Variants in MYRFL observed in about 807,000 individuals in gnomAD.
MYRFL encodes myelin regulatory factor like, also known as myelin regulatory factor-like protein.
A neutral mutation model predicts 109.4 loss-of-function variants in MYRFL; 88 were observed. That is an observed-to-expected ratio of 0.80 (90% CI 0.68 to 0.96). MYRFL has a LOEUF of 0.96. Ranked by LOEUF, MYRFL falls within the 40% of genes least tolerant of loss-of-function variation. MYRFL has a pLI of 0.00. For missense variants in MYRFL, 957 were observed against 954.9 expected, an observed-to-expected ratio of 1.00 and a Z score of -0.03; for synonymous variants, 324 against 320.9, an observed-to-expected ratio of 1.01 and a Z score of -0.10.
At chr12:69,872,172 A>G (rs1885392896) in intron 2 of MYRFL, among the ~76,000 whole-genome samples, 1 of 151,376 alleles carries the variant, frequency 6.6e-6, no homozygotes, top group African/African-American at 2.4e-5. Flanking sequence ...CTTTATTTTG[A>G]AGTCAGTTTT....
intron 15 of MYRFL, among the ~76,000 whole-genome samples, chr12:69,928,747 A>G (rs937248303): frequency 2.6e-5 from 4 of 152,214 alleles, no homozygotes; most frequent in African/African-American, 9.6e-5. Context: ...TGGGATTTAA[A>G]TTAGGATTAG....
intron 4 of MYRFL, 21 bp from the exon 5 acceptor site, chr12:69,880,180 G>A (rs570369670): frequency 2.3e-5 from 16 of 702,046 alleles, no homozygotes; most frequent in East Asian, 1.6e-4. Flanking sequence ...CCTAACCTTC[G>A]TTTTGGTGTC....
chr12:69,857,501 A>G (rs1884370059), intron 2 of MYRFL, among the ~76,000 whole-genome samples: 1 of 151,898 alleles, frequency 6.6e-6, no homozygotes, highest in African/African-American at 2.4e-5. Flanking sequence ...TTCTAACAAA[A>G]TTGAGCCTTC....
chr12:69,932,883 T>TGTGTGTGTGTGTGTGTGTGTGTGTGTG, intron 16 of MYRFL, among the ~76,000 whole-genome samples: 1 of 52,610 alleles, frequency 1.9e-5, no homozygotes, highest in Non-Finnish European at 5.0e-5. Flanking sequence ...GTGTGTGTGT[T>TGTGTGTGTGTGTGTGTGTGTGTGTGTG]TGTGTGTGTG....
intron 5 of MYRFL, among the ~76,000 whole-genome samples, chr12:69,880,498 T>TC (rs772681856): frequency 1.3e-5 from 2 of 152,176 alleles, no homozygotes; most frequent in African/African-American, 4.8e-5. Flanking sequence ...AGATGATGTT[T>TC]CCCGTCTCAG....
intron 19 of MYRFL, among the ~76,000 whole-genome samples, chr12:69,943,888 C>T (rs11177982): frequency 1.2e-4 from 18 of 151,878 alleles, no homozygotes; most frequent in African/African-American, 2.2e-4. Context: ...TGAACAGACA[C>T]TTCTCAAAAG....
chr12:69,826,047 A>G (rs1428714638), intron 1 of MYRFL, among the ~76,000 whole-genome samples: 1 of 151,992 alleles, frequency 6.6e-6, no homozygotes, highest in East Asian at 1.9e-4. Context: ...TGCTTTAGGT[A>G]TTTCTTGTGC....
Position 69,910,858 on chromosome 12 carries a change from A to G in MYRFL, c.1530A>G (p.Arg510=), listed in dbSNP as rs747491155. 8.5e-6 allele frequency: 13 copies of G among 1,535,346 alleles called. No homozygotes were observed. The highest frequency in any genetic ancestry group is 1.1e-5 in the Non-Finnish European group (13 of 1,146,368). Residue 510 remains arginine, a synonymous_variant, in exon 13 of 25, where the codon AGA becomes AGG. Coordinates refer to ENST00000552032, the MANE Select transcript of MYRFL (RefSeq NM_182530.3). ...IAQEVQEILP[R]AVREVGDVTC... is the part of the protein sequence containing the mutation. The stretch of plus-strand genomic sequence containing the variant: ...AGGAGGTGCAAGAAATCCTGCCCAG[A>G]GCAGTAAGAGAGGTTGGTGATGTCA...
intron 1 of MYRFL, among the ~76,000 whole-genome samples, chr12:69,841,994 T>C (rs963245596): frequency 1.3e-5 from 2 of 152,210 alleles, no homozygotes; most frequent in African/African-American, 4.8e-5. Flanking sequence ...AGGAAGACAC[T>C]GAGAGGCTAG....
At chr12:69,891,714 T>TTTCTTTCTTTCGTTCGTTCTTTC (rs1592768074) in intron 7 of MYRFL, among the ~76,000 whole-genome samples, 2 of 123,758 alleles carry the variant, frequency 1.6e-5, no homozygotes, top group Non-Finnish European at 3.5e-5. Flanking sequence ...TCTTTTTTTC[T>TTTCTTTCTTTCGTTCGTTCTTTC]TTGAGACATG....
intron 19 of MYRFL, among the ~76,000 whole-genome samples, chr12:69,949,274 ATAAAGT>A (rs1955914035): frequency 6.6e-6 from 1 of 152,110 alleles, no homozygotes; most frequent in African/African-American, 2.4e-5. Context: ...CCAAAACTTC[ATAAAGT>A]TATTTTGTTA....
intron 1 of MYRFL, among the ~76,000 whole-genome samples, 180 bp downstream of exon 1, chr12:69,825,743 T>G (rs1413082507): frequency 1.3e-5 from 2 of 152,156 alleles, no homozygotes; most frequent in African/African-American, 2.4e-5. Flanking sequence ...TTCAATGGTA[T>G]GGATAGAGAT....
chr12:69,880,956 T>G lies in MYRFL; in HGVS notation c.556+664T>G, dbSNP rs1171459431. Among the ~76,000 whole-genome samples the G allele has an allele frequency of 5.8e-5, 8 of 138,480 alleles. No homozygotes were observed. In the East Asian group the frequency reaches 1.5e-3, roughly 26 times the overall value. 90.8% of individuals were successfully genotyped at this position (138,480 alleles called of 152,430 possible). A position where few individuals can be genotyped will look rare whatever the true frequency, so the allele number is the denominator to read the frequency against. ...TCCAAGCGGTCAGCCTTCCTGTTTT[T>G]TTTTTTTTTTTTTGTCTTATATAAC... On this transcript the variant is annotated intron_variant, in intron 5 of 24. Coordinates refer to ENST00000552032, the MANE Select transcript of MYRFL (RefSeq NM_182530.3).
At chr12:69,872,234 G>A (rs1159062526) in intron 2 of MYRFL, among the ~76,000 whole-genome samples, 1 of 152,152 alleles carries the variant, frequency 6.6e-6, no homozygotes, top group South Asian at 2.1e-4. Flanking sequence ...TTTTCTCTTG[G>A]TTAACTTTTG....
intron 1 of MYRFL, among the ~76,000 whole-genome samples, chr12:69,841,420 A>G (rs1420964900): frequency 6.6e-6 from 1 of 152,184 alleles, no homozygotes; most frequent in African/African-American, 2.4e-5. Context: ...GTTTTAGGGG[A>G]AGGGAAAGTT....
chr12:69,958,550 CT>C lies in MYRFL; in HGVS notation c.*22del, dbSNP rs1316344380. On this transcript the variant is annotated 3_prime_UTR_variant, in exon 25 of 25. Coordinates refer to ENST00000552032, the MANE Select transcript of MYRFL (RefSeq NM_182530.3). ...TGCCTAATTTGTTCAAGTTTGGGGA[CT>C]TTACCAAAGAAAAATACTCAGGAAT... 2.0e-5 allele frequency: 30 copies of C among 1,497,430 alleles called. No individual in the cohort carries two copies. Among genetic ancestry groups the C allele is most frequent in the Middle Eastern group, 3.8e-4 (2 of 5,210 alleles). The allele number at this position is 1,497,430 out of a possible 1,614,324, so 92.8% of individuals were successfully genotyped here. A position where few individuals can be genotyped will look rare whatever the true frequency, so the allele number is the denominator to read the frequency against.
chr12:69,924,606 CAAAAAT>C (rs2120438794), intron 13 of MYRFL, among the ~76,000 whole-genome samples: 1 of 152,080 alleles, frequency 6.6e-6, no homozygotes, highest in South Asian at 2.1e-4. Flanking sequence ...TGTACTGGCT[CAAAAAT>C]AAAAATATAT....
intron 16 of MYRFL, among the ~76,000 whole-genome samples, chr12:69,934,384 A>C (rs764612118): frequency 1.8e-4 from 28 of 152,206 alleles, no homozygotes; most frequent in Non-Finnish European, 3.4e-4. Context: ...TGGGACCCTG[A>C]AGCCCCAGAG....
At chr12:69,886,787 A>G (rs1334050172) in intron 5 of MYRFL, 33 bp from the exon 6 acceptor site, 1 of 1,534,176 alleles carries the variant, frequency 6.5e-7, no homozygotes, top group African/African-American at 1.4e-5. Context: ...AACAGCCTGG[A>G]AGGAAGGCTC....
Sources: gnomAD v4.1 joint callset for allele counts (sites outside exome capture counted in the v4.1 genomes callset) on GRCh38, gnomAD v4.1.1 for gene constraint, MANE v1.5 for transcripts, NCBI Gene and HGNC (gene_info 2026-07-23, HGNC 2026-07-21) for gene names.